Variants in ESCO1 observed in about 807,000 individuals in gnomAD.
The protein encoded by ESCO1 is N-acetyltransferase ESCO1.
ESCO1 carries 33 observed loss-of-function variants against 83.5 expected under a neutral mutation model. The ratio of observed to expected loss-of-function variants is 0.40; its 90% CI spans 0.30 to 0.53. The LOEUF (loss-of-function observed/expected upper bound fraction) is 0.53, where lower values mean the gene tolerates loss of function less well. Ranked by LOEUF, ESCO1 falls within the 20% of genes least tolerant of loss-of-function variation. The pLI, the probability that ESCO1 is intolerant of heterozygous loss-of-function variation, is 0.63. For missense variants in ESCO1, 855 were observed against 968.0 expected (o/e 0.88, Z 1.55); for synonymous variants, 332 against 324.3 (o/e 1.02, Z -0.25).
intron 4 of ESCO1, among the ~76,000 whole-genome samples, chr18:21,572,206 C>T (rs1458254493): frequency 6.6e-6 from 1 of 152,154 alleles, no homozygotes; most frequent in Admixed American, 6.6e-5. Context: ...TGCCACCAAA[C>T]GTGTTGCCTA....
At chr18:21,590,366 C>T (rs1380784311) in intron 1 of ESCO1, among the ~76,000 whole-genome samples, 1 of 151,768 alleles carries the variant, frequency 6.6e-6, no homozygotes. Flanking sequence ...GGACTACAGG[C>T]ACGCGCCACC....
Position 21,573,361 on chromosome 18 carries a change from G to A in ESCO1, c.1483C>T (p.Pro495Ser). ...LANEIKPSDP[P>S]LDNQMKHSFD... Reference sequence around the variant, plus strand: ...GAATGTTTCATCTGATTATCCAATGGTGGGTCAGAAGGTTTTATCTCATTG... The same window carrying A: ...GAATGTTTCATCTGATTATCCAATGATGGGTCAGAAGGTTTTATCTCATTG... Residue 495 changes from proline (P) to serine (S), a missense_variant, in exon 4 of 12, where the codon CCA becomes TCA. This residue lies in a region of ESCO1 where 726 missense variants were observed against 699.5 expected (regional missense o/e 1.04). Coordinates refer to ENST00000269214, the MANE Select transcript of ESCO1 (RefSeq NM_052911.3). 1 of 1,592,138 alleles carries A rather than the reference G, an allele frequency of 6.3e-7. No homozygotes were observed. Among genetic ancestry groups the A allele is most frequent in the Non-Finnish European group, 8.5e-7 (1 of 1,174,944 alleles).
chr18:21,572,356 T>C (rs2038352450), intron 4 of ESCO1, among the ~76,000 whole-genome samples: 1 of 152,222 alleles, frequency 6.6e-6, no homozygotes, highest in African/African-American at 2.4e-5. Context: ...CTACATATAA[T>C]TTACTTTAGA....
chr18:21,576,481 CAA>C (rs1363746149), intron 2 of ESCO1, among the ~76,000 whole-genome samples: 3 of 151,978 alleles, frequency 2.0e-5, no homozygotes, highest in African/African-American at 7.3e-5. Flanking sequence ...CCAACCTGGA[CAA>C]AAGAGTGAGA....
At chr18:21,560,776 A>T (rs1177341409) in intron 8 of ESCO1, 83 bp downstream of exon 8, 18 of 1,517,360 alleles carry the variant, frequency 1.2e-5, no homozygotes, top group Non-Finnish European at 1.6e-5. Context: ...TTTTTCAGTG[A>T]TTTAAATTTG....
intron 10 of ESCO1, among the ~76,000 whole-genome samples, chr18:21,533,589 TTAAAAG>T (rs1168487989): frequency 6.6e-6 from 1 of 152,106 alleles, no homozygotes; most frequent in African/African-American, 2.4e-5. Flanking sequence ...GATATAAAAC[TTAAAAG>T]TAAACAGACA....
chr18:21,531,788 G>A (rs2146163017), intron 11 of ESCO1, among the ~76,000 whole-genome samples: 1 of 151,674 alleles, frequency 6.6e-6, no homozygotes, highest in Non-Finnish European at 1.5e-5. Flanking sequence ...AACTACTTGG[G>A]AGGCTGAGGT....
intron 11 of ESCO1, among the ~76,000 whole-genome samples, chr18:21,531,057 T>C (rs1045330525): frequency 3.3e-5 from 5 of 152,198 alleles, no homozygotes; most frequent in Non-Finnish European, 7.3e-5. Flanking sequence ...AAGATTGATA[T>C]TCAAAAGTAA....
At chr18:21,575,650 G>GTA in intron 3 of ESCO1, 22 bp downstream of exon 3, 1 of 398,338 alleles carries the variant, frequency 2.5e-6, no homozygotes, top group Non-Finnish European at 4.4e-6. Context: ...GAAAATCAGT[G>GTA]TATTCCTTGA....
chr18:21,579,806 A>AGTG (rs1568109920), intron 2 of ESCO1, among the ~76,000 whole-genome samples: 18 of 92,040 alleles, frequency 2.0e-4, no homozygotes, highest in African/African-American at 6.2e-4. Flanking sequence ...ACACACACAC[A>AGTG]CACACACACA....
chr18:21,536,653 C>T (rs886694836), intron 9 of ESCO1, among the ~76,000 whole-genome samples: 1 of 151,918 alleles, frequency 6.6e-6, no homozygotes, highest in East Asian at 1.9e-4. Context: ...TTTTTTAACC[C>T]CTTTGGAACA....
intron 2 of ESCO1, among the ~76,000 whole-genome samples, chr18:21,579,539 A>T (rs1280106515): frequency 6.6e-6 from 1 of 151,836 alleles, no homozygotes; most frequent in Non-Finnish European, 1.5e-5. Flanking sequence ...TGGGAGGCCA[A>T]GGCAGGTGAA....
chr18:21,599,725 CT>C (rs1287449520), intron 1 of ESCO1, among the ~76,000 whole-genome samples: 1 of 152,168 alleles, frequency 6.6e-6, no homozygotes, highest in Non-Finnish European at 1.5e-5. Context: ...CCTCCCTCCC[CT>C]GGTCCCCGCT....
intron 10 of ESCO1, 21 bp from the exon 11 acceptor site, chr18:21,532,681 G>A (rs1452637072): frequency 2.5e-6 from 4 of 1,598,328 alleles, no homozygotes; most frequent in African/African-American, 1.4e-5. Flanking sequence ...CAAAAATGGG[G>A]AAAAAATTTA....
At chr18:21,583,560 C>T (rs554894075) in intron 2 of ESCO1, among the ~76,000 whole-genome samples, 5 of 151,764 alleles carry the variant, frequency 3.3e-5, no homozygotes, top group Non-Finnish European at 5.9e-5. Context: ...AGGAGAACCG[C>T]TTGAACCCAG....
intron 6 of ESCO1, 81 bp downstream of exon 6, chr18:21,566,065 T>C (rs2038255733): frequency 7.5e-7 from 1 of 1,324,944 alleles, no homozygotes; most frequent in South Asian, 1.2e-5. Context: ...GTTACTAGCA[T>C]AACTTTTTAG....
intron 6 of ESCO1, among the ~76,000 whole-genome samples, chr18:21,565,308 T>G (rs1040400338): frequency 6.6e-6 from 1 of 152,206 alleles, no homozygotes; most frequent in African/African-American, 2.4e-5. Flanking sequence ...TCAGATCTAT[T>G]TAATTCTGAC....
intron 2 of ESCO1, among the ~76,000 whole-genome samples, chr18:21,579,734 T>C (rs1470196592): frequency 2.0e-5 from 3 of 146,384 alleles, no homozygotes; most frequent in Non-Finnish European, 4.5e-5. Context: ...ATCACGCCAC[T>C]CACTGTACTC....
At chr18:21,594,174 A>C (rs1166038922) in intron 1 of ESCO1, among the ~76,000 whole-genome samples, 1 of 152,186 alleles carries the variant, frequency 6.6e-6, no homozygotes, top group Non-Finnish European at 1.5e-5. Context: ...GTTGAGACCT[A>C]CTACTATAAC....
Sources: gnomAD v4.1 joint callset for allele counts (sites outside exome capture counted in the v4.1 genomes callset) on GRCh38, gnomAD v4.1.1 for gene constraint, gnomAD v4.1.1 regional missense constraint, MANE v1.5 for transcripts, NCBI Gene and HGNC (gene_info 2026-07-23, HGNC 2026-07-21) for gene names.